Variants in PI15 observed in about 807,000 individuals in gnomAD.
PI15 encodes 25 kDa trypsin inhibitor.
A neutral mutation model predicts 31.0 loss-of-function variants in PI15; 18 were observed. The observed-to-expected ratio is 0.58, with a 90% CI of 0.40 to 0.86. PI15 has a LOEUF of 0.86. Among genes scored for constraint, PI15 ranks in the 40% least tolerant of loss-of-function variants. The pLI, the probability that PI15 is intolerant of heterozygous loss-of-function variation, is 0.00. For missense variants in PI15, 282 were observed against 328.1 expected (o/e 0.86, Z 1.09); for synonymous variants, 118 against 119.1 (o/e 0.99, Z 0.06).
chr8:74,846,910 A>G (rs1811034942), intron 5 of PI15, among the ~76,000 whole-genome samples: 1 of 152,156 alleles, frequency 6.6e-6, no homozygotes, highest in African/African-American at 2.4e-5. Context: ...GAATAGTATA[A>G]GTGTATAAAT....
chr8:74,837,619 G>T (rs1227944843), intron 2 of PI15, among the ~76,000 whole-genome samples: 2 of 151,474 alleles, frequency 1.3e-5, no homozygotes, highest in Non-Finnish European at 2.9e-5. Flanking sequence ...CACTTCTATA[G>T]GTTAGCACTC....
chr8:74,850,609 C>T lies in PI15; in HGVS notation c.*1356C>T, dbSNP rs1037404413. On this transcript the variant is annotated 3_prime_UTR_variant, in exon 6 of 6. Coordinates refer to ENST00000260113, the MANE Select transcript of PI15 (RefSeq NM_015886.5). ...CACAGTCATGATTTTGTTAAAGTAG[C>T]CTTCTTCAGATGCTTTTCTAAGGGC... 1 of 152,138 alleles carries T rather than the reference C, an allele frequency of 6.6e-6. No homozygotes were observed. 9.4% of individuals were successfully genotyped at this position (152,138 alleles called of 1,614,324 possible).
chr8:74,828,468 G>T (rs1299928771), intron 2 of PI15, among the ~76,000 whole-genome samples: 1 of 152,100 alleles, frequency 6.6e-6, no homozygotes, highest in East Asian at 1.9e-4. Flanking sequence ...AGGGAAGTAA[G>T]TATAGTAGGT....
intron 2 of PI15, among the ~76,000 whole-genome samples, chr8:74,829,919 T>A (rs1810756731): frequency 6.6e-6 from 1 of 152,040 alleles, no homozygotes; most frequent in South Asian, 2.1e-4. Context: ...CCATGACACT[T>A]GAGCTGTATT....
intron 2 of PI15, among the ~76,000 whole-genome samples, chr8:74,835,593 T>C (rs1202260169): frequency 2.0e-5 from 3 of 152,210 alleles, no homozygotes; most frequent in Admixed American, 6.5e-5. Flanking sequence ...ATCACATAAT[T>C]TCACTTGACT....
chr8:74,828,865 C>A (rs147947919), intron 2 of PI15, among the ~76,000 whole-genome samples: 13 of 152,204 alleles, frequency 8.5e-5, no homozygotes, highest in Middle Eastern at 6.8e-3. Flanking sequence ...CCTCTAAAGT[C>A]TCTTCCTTAG....
rs777984960 is a variant in PI15, at chr8:74,845,166, A to T, written c.431A>T (p.Asp144Val). The T allele has an allele frequency of 1.2e-6, 2 of 1,612,580 alleles. No homozygotes were observed. The highest frequency in any genetic ancestry group is 1.1e-5 in the South Asian group (1 of 91,044). Residue 144 changes from aspartate to valine, a missense_variant, in exon 4 of 6, where the codon GAT (aspartate) becomes GTT (valine). Transcript: ENST00000260113. ...CTCCAGTTGGTCAAGCCATGGTATGATGAAGTGAAAGATTATGCTTTTCCA... is the reference window on the plus strand; with the variant it reads ...CTCCAGTTGGTCAAGCCATGGTATGTTGAAGTGAAAGATTATGCTTTTCCA... ...SILQLVKPWY[D>V]EVKDYAFPYP... is the part of the protein sequence containing the mutation.
chr8:74,851,334 T>A lies in PI15; in HGVS notation c.*2081T>A, dbSNP rs1006687559. 6.6e-6 allele frequency: 1 copy of A among 152,126 alleles called. No individual in the cohort carries two copies. The highest frequency in any genetic ancestry group is 2.4e-5 in the African/African-American group (1 of 41,444). 9.4% of individuals were successfully genotyped at this position (152,126 alleles called of 1,614,324 possible). Reference sequence around the variant, plus strand: ...TCCTTCTTCAATTTTACTATATTCATTCTACAGGAACAGCAATAAGTACTA... The same window carrying A: ...TCCTTCTTCAATTTTACTATATTCAATCTACAGGAACAGCAATAAGTACTA... On this transcript the variant is annotated 3_prime_UTR_variant, in exon 6 of 6. Transcript: ENST00000260113.
chr8:74,837,432 A>G (rs1259142844), intron 2 of PI15, among the ~76,000 whole-genome samples: 2 of 152,102 alleles, frequency 1.3e-5, no homozygotes, highest in African/African-American at 4.8e-5. Flanking sequence ...AAGTTCTTGT[A>G]TATTCAGCTG....
At chr8:74,844,802 T>C (rs910811407) in intron 3 of PI15, 5 of 249,076 alleles carry the variant, frequency 2.0e-5, no homozygotes, top group Non-Finnish European at 3.9e-5. Flanking sequence ...GGATCATTTA[T>C]AAAATTCTGA....
chr8:74,843,862 A>G, intron 2 of PI15, 119 bp from the exon 3 acceptor site: 1 of 718,880 alleles, frequency 1.4e-6, no homozygotes, highest in Non-Finnish European at 2.5e-6. Flanking sequence ...AAAAACAAAA[A>G]CAAAAACAAA....
chr8:74,845,577 G>A, intron 5 of PI15, 80 bp downstream of exon 5: 2 of 836,930 alleles, frequency 2.4e-6, no homozygotes, highest in East Asian at 2.5e-5. Flanking sequence ...TCTGTGACAG[G>A]TAAGTGAGTA....
At chr8:74,826,073 T>G (rs1367918608) in intron 2 of PI15, among the ~76,000 whole-genome samples, 1 of 152,148 alleles carries the variant, frequency 6.6e-6, no homozygotes, top group African/African-American at 2.4e-5. Context: ...CTCCTTGTGA[T>G]TTAATGCTTT....
In PI15 at chr8:74,845,236, T is replaced by A; in HGVS notation, c.501T>A (p.Gly167=). The change falls in exon 4 of 6, where the codon GGT becomes GGA. Residue 167 remains glycine (G), a synonymous_variant. Coordinates refer to ENST00000260113, the MANE Select transcript of PI15 (RefSeq NM_015886.5). ...CNPRCPMRCF[G]PMCTHYTQMV... is the part of the protein sequence containing the mutation. ...CCAGATGTCCTATGAGATGTTTTGG[T>A]CCCATGTGCACACATTATACGCAGG... The A allele has an allele frequency of 6.2e-7, 1 of 1,613,818 alleles. No homozygotes were observed. Among genetic ancestry groups the A allele is most frequent in the Non-Finnish European group, 8.5e-7 (1 of 1,179,672 alleles).
intron 5 of PI15, 59 bp downstream of exon 5, chr8:74,845,556 G>T (rs1811014739): frequency 9.6e-7 from 1 of 1,041,222 alleles, no homozygotes; most frequent in African/African-American, 1.6e-5. Flanking sequence ...ATATCCCTAG[G>T]CTGATAGTTA....
In PI15 at chr8:74,845,111, CT is replaced by C. The variant is rs1341399879; in HGVS notation, c.393-13del. 1 of 1,606,748 alleles carries C rather than the reference CT, an allele frequency of 6.2e-7. No homozygotes were observed. The highest frequency in any genetic ancestry group is 1.1e-5 in the South Asian group (1 of 90,824). On this transcript the variant is annotated splice_polypyrimidine_tract_variant and intron_variant, in intron 3 of 5. Transcript: ENST00000260113. ...ACCACTGCTGCACTCTGATTTCTTTCTTTTCTTTATATGCAGATATCGCTCT... is the reference window on the plus strand; with the variant it reads ...ACCACTGCTGCACTCTGATTTCTTTCTTTCTTTATATGCAGATATCGCTCT...
rs760895558 is a variant in PI15 at position 74,849,199 on chromosome 8, T to C, written c.723T>C (p.Thr241=). 15 of 1,612,636 alleles carry C rather than the reference T, an allele frequency of 9.3e-6. No individual in the cohort carries two copies. The highest frequency in any genetic ancestry group is 5.5e-5 in the South Asian group (5 of 91,028). ...SCPPSYGGSC[T]DNLCFPGVTS... is the part of the protein sequence containing the mutation. ...CTCCAAGTTATGGGGGATCTTGTAC[T>C]GACAATCTGTGTTTTCCAGGAGTTA... is the stretch of plus-strand genomic sequence containing the variant. The change falls in exon 6 of 6, where the codon ACT becomes ACC. Residue 241 remains threonine (T), a synonymous_variant. Transcript: ENST00000260113.
intron 2 of PI15, among the ~76,000 whole-genome samples, chr8:74,826,551 C>G (rs1007158688): frequency 6.6e-6 from 1 of 151,918 alleles, no homozygotes; most frequent in African/African-American, 2.4e-5. Context: ...CATAGAAGTA[C>G]AATTTAGACT....
chr8:74,843,947 A>T (rs1244643904), intron 2 of PI15, 34 bp from the exon 3 acceptor site: 2 of 965,716 alleles, frequency 2.1e-6, no homozygotes, highest in Non-Finnish European at 3.4e-6. Flanking sequence ...TTATCAGCAA[A>T]TTCCGTAACG....
Sources: gnomAD v4.1 joint callset for allele counts (sites outside exome capture counted in the v4.1 genomes callset) on GRCh38, gnomAD v4.1.1 for gene constraint, MANE v1.5 for transcripts, NCBI Gene and HGNC (gene_info 2026-07-23, HGNC 2026-07-21) for gene names.